SPTAN1: variants seen among roughly 807,000 people sequenced by gnomAD.
SPTAN1 encodes the protein spectrin alpha, non-erythrocytic 1, also known as spectrin alpha chain, non-erythrocytic 1.
Under a neutral mutation model 331.3 loss-of-function variants are expected in SPTAN1, and 61 were observed. The ratio of observed to expected loss-of-function variants is 0.18; its 90% CI spans 0.15 to 0.23. The LOEUF is 0.23. Ranked by LOEUF, SPTAN1 falls within the 10% of genes least tolerant of loss-of-function variation. The pLI is 1.00. For missense variants in SPTAN1, 2,043 were observed against 3,147.9 expected (o/e 0.65, Z 8.40); for synonymous variants, 1,153 against 1,173.9 (o/e 0.98, Z 0.36).
chr9:128,618,638 C>T (rs1175053098), intron 43 of SPTAN1, among the ~76,000 whole-genome samples: 1 of 152,062 alleles, frequency 6.6e-6, no homozygotes, highest in African/African-American at 2.4e-5. Context: ...CACCCGCCAC[C>T]AAGCCCAGCT....
intron 24 of SPTAN1, among the ~76,000 whole-genome samples, chr9:128,595,642 C>G (rs1401492007): frequency 6.6e-6 from 1 of 152,040 alleles, no homozygotes; most frequent in East Asian, 1.9e-4. Flanking sequence ...CAACCACCAC[C>G]TCTAGTTCCG....
chr9:128,577,058 G>A lies in SPTAN1; in HGVS notation c.786-71G>A. The A allele has an allele frequency of 1.2e-6, 2 of 1,613,914 alleles. No homozygotes were observed. Among genetic ancestry groups the A allele is most frequent in the Non-Finnish European group, 1.7e-6 (2 of 1,179,958 alleles). The stretch of plus-strand genomic sequence containing the variant: ...GAGCTGTCGAGGCTGACTAGGCCTT[G>A]GTCCCATGGGGTGTTCCTAGTTCTA... On this transcript the variant is annotated intron_variant, in intron 6 of 56. Coordinates refer to ENST00000372739, the MANE Select transcript of SPTAN1 (RefSeq NM_001130438.3). This position sits in a 1 kb window ranked among gnomAD's most constrained non-coding sequence, Gnocchi z 4.2.
chr9:128,594,724 G>A (rs973760459), intron 24 of SPTAN1, among the ~76,000 whole-genome samples: 2 of 150,050 alleles, frequency 1.3e-5, no homozygotes, highest in African/African-American at 4.9e-5. Flanking sequence ...GAGCTTCTGC[G>A]CCTGGCCAGA....
rs374511397 is a variant in SPTAN1, at chr9:128,625,876, C to T, written c.6177C>T (p.Ile2059=). ...LAAKHVQSKA[I]EARHASLMKR... ...CCAAACACGTTCAGTCCAAGGCCAT[C>T]GAGGCCCGGCACGCCTCCCTCATGA... Residue 2059 remains isoleucine (I), a synonymous_variant, in exon 48 of 57, where the codon ATC becomes ATT. Transcript: ENST00000372739. The surrounding 1 kb of genome is among the most constrained non-coding windows in gnomAD (Gnocchi z 4.1). 22 of 1,614,068 alleles carry T rather than the reference C, an allele frequency of 1.4e-5. No homozygotes were observed. The highest frequency in any genetic ancestry group is 2.2e-5 in the South Asian group (2 of 91,086).
Position 128,593,041 on chromosome 9 carries a change from C to T in SPTAN1, c.3214C>T (p.Leu1072=). 1 of 1,609,552 alleles carries T rather than the reference C, an allele frequency of 6.2e-7. No individual in the cohort carries two copies. Among genetic ancestry groups the T allele is most frequent in the Non-Finnish European group, 8.5e-7 (1 of 1,177,820 alleles). The stretch of plus-strand genomic sequence containing the variant: ...TCTGCGTATGAAGCAGGTGGAAGAA[C>T]TGTGAGTAGGCTGAGAGTCTTGCAG... The part of the protein sequence containing the change: ...VSLRMKQVEE[L]YHSLLELGEK... The change falls in exon 23 of 57, where the codon CTA becomes TTA. Residue 1072 remains leucine (L), a splice_region_variant and synonymous_variant. Coordinates refer to ENST00000372739, the MANE Select transcript of SPTAN1 (RefSeq NM_001130438.3).
intron 1 of SPTAN1, among the ~76,000 whole-genome samples, chr9:128,559,714 A>C (rs1022877955): frequency 1.3e-5 from 2 of 152,000 alleles, no homozygotes; most frequent in African/African-American, 4.8e-5. Context: ...GTTTACCAAG[A>C]CTCAATCTTA....
Position 128,613,643 on chromosome 9 carries a change from T to C in SPTAN1, c.5148+158T>C, listed in dbSNP as rs1442718349. Among the ~76,000 whole-genome samples the C allele has an allele frequency of 3.3e-5, 5 of 152,320 alleles. No homozygotes were observed. The East Asian group carries it at 9.6e-4, about 29-fold the overall frequency. ...CTCAGGATCATTATACACTTGGCAG[T>C]TATTGAGGGCTCTTGAGAGATTTTT... On this transcript the variant is annotated intron_variant, in intron 40 of 56. Transcript: ENST00000372739.
chr9:128,631,044 C>T (rs1217350594), intron 52 of SPTAN1, among the ~76,000 whole-genome samples: 2 of 152,056 alleles, frequency 1.3e-5, no homozygotes, highest in South Asian at 4.2e-4. Flanking sequence ...AGTGTTTTGC[C>T]TTGTTGGCCA....
chr9:128,590,125 G>A (rs1159204586), intron 21 of SPTAN1, among the ~76,000 whole-genome samples: 2 of 152,156 alleles, frequency 1.3e-5, no homozygotes, highest in Non-Finnish European at 2.9e-5. Flanking sequence ...AAATGTCCTT[G>A]GCCATTTTTA....
chr9:128,562,212 T>C (rs1849457958), intron 1 of SPTAN1, among the ~76,000 whole-genome samples: 2 of 152,114 alleles, frequency 1.3e-5, no homozygotes, highest in African/African-American at 4.8e-5. Flanking sequence ...AAGCGATTCT[T>C]CTGCCTCAGC....
At chr9:128,596,660 C>T (rs1854333521) in intron 24 of SPTAN1, 1 of 152,144 alleles carries the variant, frequency 6.6e-6, no homozygotes, top group Non-Finnish European at 1.5e-5. Context: ...ACTTATTTCT[C>T]CTATAGTAAC....
At chr9:128,626,712 G>A (rs1368776241) in intron 49 of SPTAN1, 25 bp downstream of exon 49, 2 of 1,582,706 alleles carry the variant, frequency 1.3e-6, no homozygotes, top group East Asian at 4.6e-5. Context: ...GCCCTCAGGA[G>A]CTGCTCGGCC....
rs780213263 is a variant in SPTAN1 at position 128,632,611 on chromosome 9, G to A, written c.7053G>A (p.Gln2351=). 1.2e-6 allele frequency: 2 copies of A among 1,613,988 alleles called. No homozygotes were observed. The highest frequency in any genetic ancestry group is 2.2e-5 in the East Asian group (1 of 44,898). ...DKDKSGRLNH[Q]EFKSCLRSLG... ...ACAAGTCTGGCAGGCTGAACCATCAGGAGTTCAAATCTTGCCTGCGCTCCC... is the reference window on the plus strand; with the variant it reads ...ACAAGTCTGGCAGGCTGAACCATCAAGAGTTCAAATCTTGCCTGCGCTCCC... The change falls in exon 55 of 57, where the codon CAG becomes CAA. Residue 2351 remains glutamine, a synonymous_variant. Coordinates refer to ENST00000372739, the MANE Select transcript of SPTAN1 (RefSeq NM_001130438.3).
chr9:128,631,863 G>A (rs1186315451), intron 52 of SPTAN1: 6 of 515,114 alleles, frequency 1.2e-5, no homozygotes, highest in Non-Finnish European at 2.1e-5. Context: ...TGGAGTCCTC[G>A]CCGTACTTGT....
At position 128,618,052 on chromosome 9, in the gene SPTAN1, G is replaced by A. The variant is rs572958583; in HGVS notation, c.5544G>A (p.Gln1848=). 47 of 1,614,128 alleles carry A rather than the reference G, an allele frequency of 2.9e-5. No individual in the cohort carries two copies. The East Asian group carries it at 1.0e-3, about 35-fold the overall frequency. ...CCATCGGGAAAGAGGAGATCCAGCA[G>A]CGGCTGGCGCAGTTTGTGGAGCACT... ...DNTIGKEEIQ[Q]RLAQFVEHWK... Residue 1848 remains glutamine (Q), a synonymous_variant, in exon 43 of 57, where the codon CAG becomes CAA. Coordinates refer to ENST00000372739, the MANE Select transcript of SPTAN1 (RefSeq NM_001130438.3).
At chr9:128,566,495 G>A (rs1850054456) in intron 1 of SPTAN1, among the ~76,000 whole-genome samples, 1 of 152,126 alleles carries the variant, frequency 6.6e-6, no homozygotes, top group African/African-American at 2.4e-5. Flanking sequence ...TGGTTTCCTT[G>A]CCGTGTGTGG....
At position 128,611,617 on chromosome 9, in the gene SPTAN1, T is replaced by C; in HGVS notation, c.4774-97T>C. The C allele has an allele frequency of 4.8e-6, 7 of 1,449,182 alleles. 1 individual carries two copies. Among genetic ancestry groups the C allele is most frequent in the South Asian group, 4.7e-5 (4 of 85,128 alleles). 89.8% of individuals were successfully genotyped at this position (1,449,182 alleles called of 1,614,324 possible). ...CGTTGGCATTTACCCCAGTTCTTTA[T>C]GTTTGCTGCCACTCCCTGCCTCTGA... On this transcript the variant is annotated intron_variant, in intron 37 of 56. Transcript: ENST00000372739.
rs558756418 is a variant in SPTAN1 at position 128,604,430 on chromosome 9, C to T, written c.3719+13C>T. ...AGAGGTTCCACAGGTGAGGGGTCAG[C>T]CCTGGGCTGGGAGAGGGAGAAACAG... is the stretch of plus-strand genomic sequence containing the variant. On this transcript the variant is annotated intron_variant, in intron 29 of 56. Transcript: ENST00000372739. The T allele has an allele frequency of 6.2e-7, 1 of 1,610,228 alleles. No individual in the cohort carries two copies. Among genetic ancestry groups the T allele is most frequent in the East Asian group, 2.2e-5 (1 of 44,708 alleles).
Position 128,633,427 on chromosome 9 carries a change from C to CT in SPTAN1, c.*95dup. 6.3e-7 allele frequency: 1 copy of CT among 1,586,946 alleles called. No homozygotes were observed. Among genetic ancestry groups the CT allele is most frequent in the Non-Finnish European group, 8.6e-7 (1 of 1,163,066 alleles). ...GTGTGCTCTCACTTTCCACTGTAAC[C>CT]TTAAGCCTGCTTAGCTTGGAATAAG... On this transcript the variant is annotated 3_prime_UTR_variant, in exon 57 of 57. Transcript: ENST00000372739.
Sources: gnomAD v4.1 joint callset for allele counts (sites outside exome capture counted in the v4.1 genomes callset) on GRCh38, gnomAD v4.1.1 for gene constraint, Gnocchi (gnomAD v3.1) non-coding constraint, MANE v1.5 for transcripts, NCBI Gene and HGNC (gene_info 2026-07-23, HGNC 2026-07-21) for gene names.